The following PCDHA11 variants were observed in gnomAD, a reference collection of about 807,000 sequenced individuals.
PCDHA11 encodes protocadherin alpha 11.
In PCDHA11, 61 loss-of-function variants were observed where a neutral mutation model predicts 70.3. The observed-to-expected ratio is 0.87, with a 90% CI of 0.71 to 1.07. The LOEUF (loss-of-function observed/expected upper bound fraction) is 1.07. Ranked by LOEUF, PCDHA11 falls within the 50% of genes least tolerant of loss-of-function variation. The pLI is 0.00. For missense variants in PCDHA11, 1,324 were observed against 1,237.5 expected (o/e 1.07, Z -1.05); for synonymous variants, 633 against 555.1 (o/e 1.14, Z -1.97).
At chr5:140,897,543 C>A (rs1325895994) in intron 1 of PCDHA11, among the ~76,000 whole-genome samples, 2 of 152,044 alleles carry the variant, frequency 1.3e-5, no homozygotes, top group African/African-American at 4.8e-5. Flanking sequence ...GCTGCATAGT[C>A]TTCCATGGTG....
At chr5:140,969,601 T>C (rs2096345611) in intron 1 of PCDHA11, 1 of 772,836 alleles carries the variant, frequency 1.3e-6, no homozygotes, top group African/African-American at 1.8e-5. Flanking sequence ...TATTTAATGC[T>C]AAAACACAGA....
intron 1 of PCDHA11, among the ~76,000 whole-genome samples, chr5:140,925,899 G>A (rs149135478): frequency 2.0e-5 from 3 of 151,846 alleles, no homozygotes; most frequent in African/African-American, 7.3e-5. Context: ...CACCCAGATC[G>A]TCAAGGGCCG....
chr5:140,927,896 A>G (rs571131956), intron 1 of PCDHA11: 1 of 1,614,200 alleles, frequency 6.2e-7, no homozygotes, highest in African/African-American at 1.3e-5. Context: ...GACGTGAACG[A>G]TCATGCCCCC....
chr5:140,996,630 A>G (rs765477034), intron 3 of PCDHA11, among the ~76,000 whole-genome samples: 10 of 152,210 alleles, frequency 6.6e-5, no homozygotes, highest in Non-Finnish European at 1.5e-4. Flanking sequence ...TGGTTCCTGC[A>G]AATTATGTAG....
intron 1 of PCDHA11, chr5:140,927,491 T>G (rs2084266726): frequency 1.2e-6 from 2 of 1,614,118 alleles, no homozygotes; most frequent in Non-Finnish European, 1.7e-6. Flanking sequence ...GCCACCCACC[T>G]GCTGGTGCTT....
In PCDHA11 at chr5:140,981,654, ATTTCTTCCTTCC is replaced by A. The variant is rs563193906; in HGVS notation, c.2451-807_2451-796del. Among the ~76,000 whole-genome samples the A allele has an allele frequency of 1.4e-4, 22 of 152,142 alleles. No individual in the cohort carries two copies. In the East Asian group the frequency reaches 3.9e-3, roughly 27 times the overall value. On this transcript the variant is annotated intron_variant, in intron 2 of 3. Coordinates refer to ENST00000398640, the MANE Select transcript of PCDHA11 (RefSeq NM_018902.5). ...GACATTTTCTCTTAGGATCCCACTTATTTCTTCCTTCCTTTCTTCCTTCCTCCCTTCCATCAT... is the reference window on the plus strand; with the variant it reads ...GACATTTTCTCTTAGGATCCCACTTATTTCTTCCTTCCTCCCTTCCATCAT...
intron 1 of PCDHA11, among the ~76,000 whole-genome samples, chr5:140,974,630 A>G (rs1252889789): frequency 6.7e-6 from 1 of 149,794 alleles, no homozygotes; most frequent in Non-Finnish European, 1.5e-5. Context: ...TCCTGCCTCA[A>G]CCTCCCGAGT....
chr5:140,887,018 G>C (rs965813784), intron 1 of PCDHA11, among the ~76,000 whole-genome samples: 70 of 151,906 alleles, frequency 4.6e-4, no homozygotes, highest in African/African-American at 1.6e-3. Context: ...CCTACTGCCT[G>C]AAAAATTTCT....
At chr5:140,911,591 A>G (rs2075552073) in intron 1 of PCDHA11, among the ~76,000 whole-genome samples, 2 of 152,222 alleles carry the variant, frequency 1.3e-5, no homozygotes, top group Non-Finnish European at 1.5e-5. Context: ...AGGAGGAACC[A>G]ACCAACTTCA....
chr5:141,005,701 C>CAAAAAAA (rs59860837), intron 3 of PCDHA11, among the ~76,000 whole-genome samples: 5 of 7,784 alleles, frequency 6.4e-4, no homozygotes, highest in African/African-American at 9.3e-4. Context: ...AACTCCGTCT[C>CAAAAAAA]AAAAAAAAAA....
intron 1 of PCDHA11, among the ~76,000 whole-genome samples, chr5:140,942,439 A>C (rs1554214983): frequency 6.6e-6 from 1 of 152,200 alleles, no homozygotes; most frequent in Non-Finnish European, 1.5e-5. Context: ...AACAATAAAC[A>C]AGTAAACTAT....
intron 3 of PCDHA11, among the ~76,000 whole-genome samples, chr5:141,005,280 C>T (rs2098203817): frequency 6.6e-6 from 1 of 152,180 alleles, no homozygotes; most frequent in Non-Finnish European, 1.5e-5. Context: ...GGTGAATAAA[C>T]AGATACATTT....
At chr5:140,958,264 A>G (rs2153717297) in intron 1 of PCDHA11, among the ~76,000 whole-genome samples, 1 of 152,230 alleles carries the variant, frequency 6.6e-6, no homozygotes, top group Admixed American at 6.5e-5. Flanking sequence ...TTAATTTGGT[A>G]CAAGAAGTAT....
chr5:140,963,766 A>G (rs574963836), intron 1 of PCDHA11, among the ~76,000 whole-genome samples: 1 of 152,372 alleles, frequency 6.6e-6, no homozygotes, highest in South Asian at 2.1e-4. Flanking sequence ...GTTGTATTTC[A>G]TGACGACAGC....
At position 141,009,688 on chromosome 5, in the gene PCDHA11, C is replaced by A. The variant is rs2098413722; in HGVS notation, c.2601C>A (p.Thr867=). 1 of 1,613,960 alleles carries A rather than the reference C, an allele frequency of 6.2e-7. No individual in the cohort carries two copies. Among genetic ancestry groups the A allele is most frequent in the Admixed American group, 1.7e-5 (1 of 59,994 alleles). ...CGGGTGTCAACAGCAACAGCTGGAC[C>A]TTTAAATACGGACCAGGCAACCCCA... ...VGAGVNSNSW[T]FKYGPGNPKQ... is the part of the protein sequence containing the mutation. Residue 867 remains threonine, a synonymous_variant, in exon 4 of 4, where the codon ACC becomes ACA. Transcript: ENST00000398640.
intron 1 of PCDHA11, chr5:140,969,627 G>A: frequency 1.5e-6 from 1 of 664,866 alleles, no homozygotes; most frequent in Non-Finnish European, 2.5e-6. Flanking sequence ...AGAGAAACAG[G>A]ACAGGCCTTG....
chr5:141,003,453 A>T (rs2098125483), intron 3 of PCDHA11, among the ~76,000 whole-genome samples: 1 of 152,126 alleles, frequency 6.6e-6, no homozygotes, highest in East Asian at 1.9e-4. Flanking sequence ...ATGAAATTAC[A>T]GGCGTGCACC....
intron 1 of PCDHA11, chr5:140,875,344 A>G: frequency 1.4e-6 from 2 of 1,442,996 alleles, no homozygotes; most frequent in East Asian, 2.5e-5. Context: ...TCGACTCCAT[A>G]ATGACTGTGA....
At chr5:140,902,185 TTC>T (rs370111655) in intron 1 of PCDHA11, among the ~76,000 whole-genome samples, 3 of 150,766 alleles carry the variant, frequency 2.0e-5, no homozygotes, top group South Asian at 2.1e-4. Flanking sequence ...CCTTTATGTC[TTC>T]TCTCTCTCTC....
Sources: gnomAD v4.1 joint callset for allele counts (sites outside exome capture counted in the v4.1 genomes callset) on GRCh38, gnomAD v4.1.1 for gene constraint, MANE v1.5 for transcripts, NCBI Gene and HGNC (gene_info 2026-07-23, HGNC 2026-07-21) for gene names.